The following SH2B3 variants were observed in gnomAD, a reference collection of about 807,000 sequenced individuals.
SH2B3 encodes SH2B adapter protein 3.
A neutral mutation model predicts 51.9 loss-of-function variants in SH2B3; 43 were observed. That is an observed-to-expected ratio of 0.83 (90% CI 0.65 to 1.07). The LOEUF (loss-of-function observed/expected upper bound fraction) is 1.07. Among genes scored for constraint, SH2B3 ranks in the 50% least tolerant of loss-of-function variants. SH2B3 has a pLI of 0.00. For missense variants in SH2B3, 952 were observed against 834.3 expected (o/e 1.14, Z -1.74); for synonymous variants, 396 against 376.0 (o/e 1.05, Z -0.62).
chr12:111,422,833 T>A (rs1205547358), intron 2 of SH2B3, among the ~76,000 whole-genome samples: 2 of 152,150 alleles, frequency 1.3e-5, no homozygotes, highest in African/African-American at 4.8e-5. Flanking sequence ...GTACTGGGAT[T>A]ACAGGCGTGA....
chr12:111,447,601 T>C (rs1319480308), intron 6 of SH2B3, 55 bp from the exon 7 acceptor site: 1 of 1,610,614 alleles, frequency 6.2e-7, no homozygotes, highest in Non-Finnish European at 8.5e-7. Context: ...CCCTCTCCAC[T>C]GGAGTTCAGG....
rs142822757 is a variant in SH2B3, at chr12:111,429,015, C to CGAGGAGGAGGAGGAGGAGGAGGAG, written c.732+10147_732+10170dup. On this transcript the variant is annotated intron_variant, in intron 2 of 7. Transcript: ENST00000341259. This position sits in a 1 kb window ranked among gnomAD's most constrained non-coding sequence, Gnocchi z 4.4. Reference sequence around the variant, plus strand: ...GCGGTTTCCTCTCGGGGCAGGAGTGCGAGGAGGAGGAGGAGGAGGAGGAGG... The same window carrying CGAGGAGGAGGAGGAGGAGGAGGAG: ...GCGGTTTCCTCTCGGGGCAGGAGTGCGAGGAGGAGGAGGAGGAGGAGGAGGAGGAGGAGGAGGAGGAGGAGGAGG... Among the ~76,000 whole-genome samples the CGAGGAGGAGGAGGAGGAGGAGGAG allele has an allele frequency of 8.7e-6, 1 of 114,906 alleles. No homozygotes were observed. Among genetic ancestry groups the CGAGGAGGAGGAGGAGGAGGAGGAG allele is most frequent in the African/African-American group, 3.3e-5 (1 of 30,244 alleles). The allele number at this position is 114,906 out of a possible 152,430, so 75.4% of individuals were successfully genotyped here. A position where few individuals can be genotyped will look rare whatever the true frequency, so the allele number is the denominator to read the frequency against.
Position 111,429,028 on chromosome 12 carries a change from G to A in SH2B3, c.732+10151G>A, listed in dbSNP as rs1872240892. ...GGGGCAGGAGTGCGAGGAGGAGGAG[G>A]AGGAGGAGGAGGAGGAGGAAGAGGA... On this transcript the variant is annotated intron_variant, in intron 2 of 7. Coordinates refer to ENST00000341259, the MANE Select transcript of SH2B3 (RefSeq NM_005475.3). The surrounding 1 kb of genome is among the most constrained non-coding windows in gnomAD (Gnocchi z 4.4). Among the ~76,000 whole-genome samples the A allele has an allele frequency of 6.8e-6, 1 of 147,942 alleles. No individual in the cohort carries two copies. Among genetic ancestry groups the A allele is most frequent in the Non-Finnish European group, 1.5e-5 (1 of 66,230 alleles).
chr12:111,435,357 C>T lies in SH2B3; in HGVS notation c.733-11396C>T, dbSNP rs1202096703. 6.6e-6 allele frequency among the ~76,000 whole-genome samples: 1 copy of T among 152,170 alleles called. No individual in the cohort carries two copies. The highest frequency in any genetic ancestry group is 1.5e-5 in the Non-Finnish European group (1 of 68,028). On this transcript the variant is annotated intron_variant, in intron 2 of 7. Coordinates refer to ENST00000341259, the MANE Select transcript of SH2B3 (RefSeq NM_005475.3). This position sits in a 1 kb window ranked among gnomAD's most constrained non-coding sequence, Gnocchi z 4.8. Reference sequence around the variant, plus strand: ...ACAGATGCGGGGCCTGGCTACAGTCCTCACTGGTGTTTTTTTTGTTTTTGA... The same window carrying T: ...ACAGATGCGGGGCCTGGCTACAGTCTTCACTGGTGTTTTTTTTGTTTTTGA...
intron 2 of SH2B3, among the ~76,000 whole-genome samples, chr12:111,421,882 A>G (rs1272473985): frequency 6.6e-6 from 1 of 152,264 alleles, no homozygotes; most frequent in Non-Finnish European, 1.5e-5. Flanking sequence ...ATGGACACAC[A>G]TCCTTTCATT....
rs938454526 is a variant in SH2B3 at position 111,410,099 on chromosome 12, C to A, written c.-28+3822C>A. 6.6e-6 allele frequency among the ~76,000 whole-genome samples: 1 copy of A among 152,172 alleles called. No homozygotes were observed. Among genetic ancestry groups the A allele is most frequent in the African/African-American group, 2.4e-5 (1 of 41,438 alleles). On this transcript the variant is annotated intron_variant, in intron 1 of 7. Coordinates refer to ENST00000341259, the MANE Select transcript of SH2B3 (RefSeq NM_005475.3). The surrounding 1 kb of genome is among the most constrained non-coding windows in gnomAD (Gnocchi z 4.9). ...GCCGGCTGCTGCCCAGGACATGTGT[C>A]CCCAGGGAGGCCTGGGAGGAAGGAA... is the stretch of plus-strand genomic sequence containing the variant.
Position 111,435,044 on chromosome 12 carries a change from G to A in SH2B3, c.733-11709G>A, listed in dbSNP as rs142511181. 1.2e-4 allele frequency: 191 copies of A among 1,529,930 alleles called. 1 individual carries two copies. The African/African-American group carries it at 1.7e-3, about 13-fold the overall frequency. 94.8% of individuals were successfully genotyped at this position (1,529,930 alleles called of 1,614,324 possible). A position where few individuals can be genotyped will look rare whatever the true frequency, so the allele number is the denominator to read the frequency against. On this transcript the variant is annotated intron_variant, in intron 2 of 7. Coordinates refer to ENST00000341259, the MANE Select transcript of SH2B3 (RefSeq NM_005475.3). This position sits in a 1 kb window ranked among gnomAD's most constrained non-coding sequence, Gnocchi z 4.8. ...TCTTCGAAGGCAGGCAGTAGCTACC[G>A]TTGTCTGGGGCTTTGGGGATCTTGG...
chr12:111,447,366 A>G lies in SH2B3; in HGVS notation c.1058A>G (p.Gln353Arg), dbSNP rs773922800. The G allele has an allele frequency of 6.8e-6, 11 of 1,613,932 alleles. No individual in the cohort carries two copies. Among genetic ancestry groups the G allele is most frequent in the Non-Finnish European group, 8.5e-6 (10 of 1,179,986 alleles). Reference protein sequence around the residue: ...SPGGLLDPACQKTDHFLSCYP... With the variant: ...SPGGLLDPACRKTDHFLSCYP... ...GGGGGGCTGCTGGACCCGGCCTGCCAGAAGACGGACCATTTCCTGTCCTGC... is the reference window on the plus strand; with the variant it reads ...GGGGGGCTGCTGGACCCGGCCTGCCGGAAGACGGACCATTTCCTGTCCTGC... The change falls in exon 6 of 8, where the codon CAG becomes CGG. Residue 353 changes from glutamine (Q) to arginine (R), a missense_variant. By Grantham distance (43) the Gln-to-Arg change is conservative. Coordinates refer to ENST00000341259, the MANE Select transcript of SH2B3 (RefSeq NM_005475.3).
intron 2 of SH2B3, among the ~76,000 whole-genome samples, chr12:111,446,298 G>A (rs532029675): frequency 1.2e-4 from 18 of 152,304 alleles, no homozygotes; most frequent in Non-Finnish European, 1.8e-4. Context: ...CCTATGTGCC[G>A]GGTGTCCTGG....
At position 111,450,845 on chromosome 12, in the gene SH2B3, G is replaced by C. The variant is rs1403958588; in HGVS notation, c.*2543G>C. 6.6e-6 allele frequency: 1 copy of C among 152,220 alleles called. No individual in the cohort carries two copies. The highest frequency in any genetic ancestry group is 1.5e-5 in the Non-Finnish European group (1 of 68,088). 9.4% of individuals were successfully genotyped at this position (152,220 alleles called of 1,614,324 possible). A position where few individuals can be genotyped will look rare whatever the true frequency, so the allele number is the denominator to read the frequency against. On this transcript the variant is annotated 3_prime_UTR_variant, in exon 8 of 8. Coordinates refer to ENST00000341259, the MANE Select transcript of SH2B3 (RefSeq NM_005475.3). ...TGATGAAGGGGTGGGCAGCAGTGTG[G>C]GGCAGGCACCCCACTGGCTGCAGCT...
At position 111,438,348 on chromosome 12, in the gene SH2B3, CG is replaced by C. The variant is rs1375512155; in HGVS notation, c.733-8401del. Among the ~76,000 whole-genome samples the C allele has an allele frequency of 6.6e-6, 1 of 152,054 alleles. No individual in the cohort carries two copies. Among genetic ancestry groups the C allele is most frequent in the Non-Finnish European group, 1.5e-5 (1 of 68,000 alleles). ...ATGGGGGCTCCTGATGGTGCCCTTG[CG>C]GGGAGGTCAGGGGGCTGACACACCT... On this transcript the variant is annotated intron_variant, in intron 2 of 7. Coordinates refer to ENST00000341259, the MANE Select transcript of SH2B3 (RefSeq NM_005475.3). The surrounding 1 kb of genome is among the most constrained non-coding windows in gnomAD (Gnocchi z 4.2).
chr12:111,445,410 T>C (rs1873851553), intron 2 of SH2B3, among the ~76,000 whole-genome samples: 1 of 152,216 alleles, frequency 6.6e-6, no homozygotes, highest in African/African-American at 2.4e-5. Context: ...CACACTGCGC[T>C]GTGTCCAGTG....
At position 111,406,929 on chromosome 12, in the gene SH2B3, T is replaced by C. The variant is rs971208716; in HGVS notation, c.-28+652T>C. Among the ~76,000 whole-genome samples, 2 of 152,188 alleles carry C rather than the reference T, an allele frequency of 1.3e-5. No homozygotes were observed. Among genetic ancestry groups the C allele is most frequent in the African/African-American group, 4.8e-5 (2 of 41,444 alleles). The stretch of plus-strand genomic sequence containing the variant: ...CTCACACCTCTTGCCTGGGGTTCCC[T>C]GGGAATCCCCCGACCAAAAAACGTC... On this transcript the variant is annotated intron_variant, in intron 1 of 7. Coordinates refer to ENST00000341259, the MANE Select transcript of SH2B3 (RefSeq NM_005475.3). This position sits in a 1 kb window ranked among gnomAD's most constrained non-coding sequence, Gnocchi z 5.7.
At chr12:111,430,071 G>A (rs1872341318) in intron 2 of SH2B3, among the ~76,000 whole-genome samples, 2 of 152,228 alleles carry the variant, frequency 1.3e-5, no homozygotes, top group African/African-American at 4.8e-5. Context: ...GGCTCCTGGG[G>A]TAGGAACGGA....
Position 111,418,646 on chromosome 12 carries a change from AGAGGCTGCT to A in SH2B3, c.505_513del (p.Ala169_Glu171del). 6.8e-7 allele frequency: 1 copy of A among 1,479,562 alleles called. No individual in the cohort carries two copies. Among genetic ancestry groups the A allele is most frequent in the African/African-American group, 1.5e-5 (1 of 67,530 alleles). The allele number at this position is 1,479,562 out of a possible 1,614,324, so 91.7% of individuals were successfully genotyped here. A position where few individuals can be genotyped will look rare whatever the true frequency, so the allele number is the denominator to read the frequency against. On this transcript the variant is annotated inframe_deletion, in exon 2 of 8. Coordinates refer to ENST00000341259, the MANE Select transcript of SH2B3 (RefSeq NM_005475.3). The surrounding 1 kb of genome is among the most constrained non-coding windows in gnomAD (Gnocchi z 6.7). ...CCGCTGCCGCCCCCGGGACCCCCGG[AGAGGCTGCT>A]GAGACCCCCGCCCGGCCTGGCCTGG...
chr12:111,418,065 C>T lies in SH2B3; in HGVS notation c.-27-54C>T, dbSNP rs1312878273. ...TGCCCGGTGTGTAATGGGGCCTACACCTGCTTGCCCACCTGCTTACTCCTT... is the reference window on the plus strand; with the variant it reads ...TGCCCGGTGTGTAATGGGGCCTACATCTGCTTGCCCACCTGCTTACTCCTT... On this transcript the variant is annotated intron_variant, in intron 1 of 7. Coordinates refer to ENST00000341259, the MANE Select transcript of SH2B3 (RefSeq NM_005475.3). This position sits in a 1 kb window ranked among gnomAD's most constrained non-coding sequence, Gnocchi z 6.7. 1 of 1,370,776 alleles carries T rather than the reference C, an allele frequency of 7.3e-7. No homozygotes were observed. Among genetic ancestry groups the T allele is most frequent in the African/African-American group, 1.5e-5 (1 of 65,858 alleles). 84.9% of individuals were successfully genotyped at this position (1,370,776 alleles called of 1,614,324 possible). A position where few individuals can be genotyped will look rare whatever the true frequency, so the allele number is the denominator to read the frequency against.
In SH2B3 at chr12:111,429,066, G is replaced by A. The variant is rs1449711843; in HGVS notation, c.732+10189G>A. On this transcript the variant is annotated intron_variant, in intron 2 of 7. Transcript: ENST00000341259. The surrounding 1 kb of genome is among the most constrained non-coding windows in gnomAD (Gnocchi z 4.4). ...AGGAGGAAGAGGAGGAGGAGGAGGA[G>A]GAGGGACGGCAGGAAGCCGCCTCGG... Among the ~76,000 whole-genome samples, 1 of 151,478 alleles carries A rather than the reference G, an allele frequency of 6.6e-6. No homozygotes were observed. Among genetic ancestry groups the A allele is most frequent in the African/African-American group, 2.4e-5 (1 of 41,364 alleles).
intron 2 of SH2B3, among the ~76,000 whole-genome samples, chr12:111,420,992 C>T (rs1031314723): frequency 2.0e-5 from 3 of 152,188 alleles, no homozygotes; most frequent in Non-Finnish European, 1.5e-5. Flanking sequence ...GTGTGCAACG[C>T]AAGTGACCAG....
intron 2 of SH2B3, among the ~76,000 whole-genome samples, chr12:111,434,344 G>T (rs1021467892): frequency 6.6e-6 from 1 of 152,178 alleles, no homozygotes; most frequent in Non-Finnish European, 1.5e-5. Flanking sequence ...GGCAACCACT[G>T]ATCTTTCTGT....
Sources: allele counts gnomAD v4.1 joint callset (sites outside exome capture counted in the v4.1 genomes callset), GRCh38; gene constraint gnomAD v4.1.1; non-coding constraint Gnocchi (gnomAD v3.1); transcripts MANE v1.5; gene names NCBI Gene and HGNC (gene_info 2026-07-23, HGNC 2026-07-21).